KSR2: variants seen among roughly 807,000 people sequenced by gnomAD.
KSR2 encodes the protein kinase suppressor of ras 2.
In KSR2, 25 loss-of-function variants were observed where a neutral mutation model predicts 107.8. The ratio of observed to expected loss-of-function variants is 0.23; its 90% CI spans 0.17 to 0.32. KSR2 has a LOEUF of 0.32. Among genes scored for constraint, KSR2 ranks in the 10% least tolerant of loss-of-function variants. The pLI is 1.00. For missense variants in KSR2, 887 were observed against 1,268.9 expected (o/e 0.70, Z 4.57); for synonymous variants, 480 against 507.0 (o/e 0.95, Z 0.71).
intron 5 of KSR2, among the ~76,000 whole-genome samples, chr12:117,613,131 A>G (rs1323734963): frequency 6.6e-6 from 1 of 152,218 alleles, no homozygotes; most frequent in Non-Finnish European, 1.5e-5. Context: ...AAATCCTGAC[A>G]AAGACTGATA....
chr12:117,923,045 C>G (rs765893236), intron 1 of KSR2, among the ~76,000 whole-genome samples: 4 of 152,150 alleles, frequency 2.6e-5, no homozygotes, highest in Non-Finnish European at 4.4e-5. Context: ...GGTGACTTCA[C>G]TATTTAGAAT....
intron 1 of KSR2, among the ~76,000 whole-genome samples, chr12:117,926,125 A>C (rs1895510129): frequency 6.6e-6 from 1 of 152,186 alleles, no homozygotes; most frequent in Admixed American, 6.5e-5. Context: ...TGAACCCAGG[A>C]GGCGGAGGTT....
intron 1 of KSR2, among the ~76,000 whole-genome samples, chr12:117,952,882 G>A (rs1219012804): frequency 2.0e-5 from 3 of 151,376 alleles, no homozygotes; most frequent in Non-Finnish European, 2.9e-5. Context: ...CTACTTAGGA[G>A]GCTGAGGCAG....
intron 1 of KSR2, among the ~76,000 whole-genome samples, chr12:117,935,633 C>T (rs929866675): frequency 2.6e-5 from 4 of 152,090 alleles, no homozygotes; most frequent in Admixed American, 6.6e-5. Flanking sequence ...TAGTAGTGGG[C>T]GCCTGTGATC....
chr12:117,842,621 G>A lies in KSR2; in HGVS notation c.472+12807C>T, dbSNP rs1892535901. Reference sequence around the variant, plus strand: ...TGTCAATTCTGCACCCAATTCTTCTGCCCAGCACCTCGTGGATGCCAGGAA... The same window carrying A: ...TGTCAATTCTGCACCCAATTCTTCTACCCAGCACCTCGTGGATGCCAGGAA... On this transcript the variant is annotated intron_variant, in intron 3 of 19. Transcript: ENST00000339824. The surrounding 1 kb of genome is among the most constrained non-coding windows in gnomAD (Gnocchi z 4.2). Among the ~76,000 whole-genome samples the A allele has an allele frequency of 6.6e-6, 1 of 152,150 alleles. No homozygotes were observed. Among genetic ancestry groups the A allele is most frequent in the South Asian group, 2.1e-4 (1 of 4,824 alleles).
intron 3 of KSR2, among the ~76,000 whole-genome samples, chr12:117,826,323 C>T (rs1891749396): frequency 6.6e-6 from 1 of 151,992 alleles, no homozygotes; most frequent in African/African-American, 2.4e-5. Flanking sequence ...TCTCTCTTTG[C>T]AAAGCCCACA....
At chr12:117,740,029 C>T (rs1008068897) in intron 4 of KSR2, among the ~76,000 whole-genome samples, 2 of 151,716 alleles carry the variant, frequency 1.3e-5, no homozygotes, top group Non-Finnish European at 2.9e-5. Flanking sequence ...GCACCCATCA[C>T]CCAACAGTAT....
intron 4 of KSR2, among the ~76,000 whole-genome samples, chr12:117,676,035 C>A (rs948114241): frequency 6.6e-6 from 1 of 152,192 alleles, no homozygotes; most frequent in African/African-American, 2.4e-5. Flanking sequence ...AAGAGGAGGC[C>A]TTCAGGAAAG....
intron 9 of KSR2, among the ~76,000 whole-genome samples, chr12:117,541,000 C>A (rs192241877): frequency 6.6e-6 from 1 of 152,368 alleles, no homozygotes; most frequent in Non-Finnish European, 1.5e-5. Flanking sequence ...AAATGCCCAA[C>A]CTTTCCATTC....
At chr12:117,735,617 G>A (rs1159482444) in intron 4 of KSR2, among the ~76,000 whole-genome samples, 5 of 152,060 alleles carry the variant, frequency 3.3e-5, no homozygotes, top group South Asian at 4.2e-4. Flanking sequence ...CCAGTGTCAC[G>A]CAAAATGTAT....
At chr12:117,483,531 AGAGAGAGAGAGC>A (rs1872290548) in intron 16 of KSR2, among the ~76,000 whole-genome samples, 1 of 152,126 alleles carries the variant, frequency 6.6e-6, no homozygotes, top group Admixed American at 6.5e-5. Context: ...AAAATGAGAG[AGAGAGAGAGAGC>A]GAGAGAGAGA....
At chr12:117,934,430 C>T (rs1046410052) in intron 1 of KSR2, among the ~76,000 whole-genome samples, 4 of 152,170 alleles carry the variant, frequency 2.6e-5, no homozygotes, top group Non-Finnish European at 2.9e-5. Context: ...AAGTGTGGCA[C>T]TTCCAGTGGC....
chr12:117,531,624 G>A (rs1875640406), intron 11 of KSR2, 42 bp downstream of exon 11: 2 of 1,573,582 alleles, frequency 1.3e-6, no homozygotes, highest in East Asian at 2.3e-5. Flanking sequence ...ATGCAGCGGG[G>A]CTTGTTCAGA....
At chr12:117,720,660 T>A (rs958476589) in intron 4 of KSR2, among the ~76,000 whole-genome samples, 2 of 152,234 alleles carry the variant, frequency 1.3e-5, no homozygotes, top group African/African-American at 4.8e-5. Flanking sequence ...AACATCAGAC[T>A]GCTTATTACA....
At chr12:117,846,289 T>G in intron 3 of KSR2, among the ~76,000 whole-genome samples, 1 of 141,894 alleles carries the variant, frequency 7.0e-6, no homozygotes, top group East Asian at 2.1e-4. Context: ...CTATTACCAT[T>G]TGATTTTTTT....
rs139014254 is a variant in KSR2 at position 117,607,619 on chromosome 12, C to T, written c.1172-25260G>A. ...TATCTGAGCTCATGCTCCACCACCCCGCCTGCATCCACAGACCTCCCGGAG... is the reference window on the plus strand; with the variant it reads ...TATCTGAGCTCATGCTCCACCACCCTGCCTGCATCCACAGACCTCCCGGAG... On this transcript the variant is annotated intron_variant, in intron 5 of 19. Transcript: ENST00000339824. Among the ~76,000 whole-genome samples, 1,324 of 144,286 alleles carry T rather than the reference C, an allele frequency of 9.2e-3. 24 individuals are homozygous for T. The highest frequency in any genetic ancestry group is 0.033 in the African/African-American group (1,232 of 37,742). The allele number at this position is 144,286 out of a possible 152,430, so 94.7% of individuals were successfully genotyped here.
chr12:117,728,896 G>C (rs1288087883), intron 4 of KSR2, among the ~76,000 whole-genome samples: 1 of 152,196 alleles, frequency 6.6e-6, no homozygotes, highest in Non-Finnish European at 1.5e-5. Flanking sequence ...TTCAAGTGCT[G>C]AGACTTGCTT....
At chr12:117,617,641 G>T (rs1166429301) in intron 5 of KSR2, among the ~76,000 whole-genome samples, 1 of 152,206 alleles carries the variant, frequency 6.6e-6, no homozygotes, top group Non-Finnish European at 1.5e-5. Context: ...TCCAGAAAAT[G>T]TAAAGTAATC....
At chr12:117,492,568 T>A (rs1008008440) in intron 14 of KSR2, among the ~76,000 whole-genome samples, 2 of 152,140 alleles carry the variant, frequency 1.3e-5, no homozygotes, top group Admixed American at 1.3e-4. Context: ...ACCAGGAGTG[T>A]GGTGAACTGA....
Sources: gnomAD v4.1 joint callset for allele counts (sites outside exome capture counted in the v4.1 genomes callset) on GRCh38, gnomAD v4.1.1 for gene constraint, Gnocchi (gnomAD v3.1) non-coding constraint, MANE v1.5 for transcripts, NCBI Gene and HGNC (gene_info 2026-07-23, HGNC 2026-07-21) for gene names.